PRKN: variants seen among roughly 807,000 people sequenced by gnomAD.
PRKN encodes parkin RBR E3 ubiquitin protein ligase.
PRKN carries 56 observed loss-of-function variants against 59.5 expected under a neutral mutation model. That is an observed-to-expected ratio of 0.94 (90% confidence interval 0.76 to 1.18). The LOEUF (loss-of-function observed/expected upper bound fraction) is 1.18, where lower values mean the gene tolerates loss of function less well. PRKN is among the 50% of genes most tolerant of loss of function. The pLI, the probability that PRKN is intolerant of heterozygous loss-of-function variation, is 0.00. For missense variants in PRKN, 657 were observed against 596.4 expected (o/e 1.10, Z -1.06); for synonymous variants, 250 against 222.1 (o/e 1.13, Z -1.12).
At position 161,567,037 on chromosome 6, in the gene PRKN, T is replaced by TGTGTGTGTG. The variant is rs1554277339; in HGVS notation, c.933+2317_933+2318insCACACACAC. Among the ~76,000 whole-genome samples, 37 of 103,796 alleles carry TGTGTGTGTG rather than the reference T, an allele frequency of 3.6e-4. No individual in the cohort carries two copies. In the East Asian group the frequency reaches 4.1e-3, roughly 11 times the overall value. The allele number at this position is 103,796 out of a possible 152,430, so 68.1% of individuals were successfully genotyped here. On this transcript the variant is annotated intron_variant, in intron 8 of 11. Transcript: ENST00000366898. ...CACTGTCCTTGTTTTTTTTTTTTTTTTGTGTGTGTGTGTGTGTGTGTGAGA... is the reference window on the plus strand; with the variant it reads ...CACTGTCCTTGTTTTTTTTTTTTTTTGTGTGTGTGTGTGTGTGTGTGTGTGTGTGTGAGA...
At chr6:162,359,658 G>GT (rs1168270213) in intron 2 of PRKN, among the ~76,000 whole-genome samples, 3 of 151,274 alleles carry the variant, frequency 2.0e-5, no homozygotes, top group Non-Finnish European at 4.4e-5. Context: ...AGCTAAACCA[G>GT]TATTTCCCAA....
intron 7 of PRKN, among the ~76,000 whole-genome samples, chr6:161,759,256 T>G (rs1017738371): frequency 2.0e-5 from 3 of 152,110 alleles, no homozygotes; most frequent in Non-Finnish European, 4.4e-5. Context: ...GTAATCAGGA[T>G]GGCAAGCATT....
At chr6:161,612,464 T>C (rs530391705) in intron 7 of PRKN, among the ~76,000 whole-genome samples, 1 of 152,260 alleles carries the variant, frequency 6.6e-6, no homozygotes, top group African/African-American at 2.4e-5. Flanking sequence ...CTCACACCCA[T>C]AATTCCAGCA....
chr6:162,675,728 T>C (rs1262794705), intron 1 of PRKN, among the ~76,000 whole-genome samples: 1 of 152,216 alleles, frequency 6.6e-6, no homozygotes. Context: ...TCTGTAGATT[T>C]AATAAAATTC....
At chr6:162,314,158 C>T (rs1782650529) in intron 2 of PRKN, among the ~76,000 whole-genome samples, 2 of 152,024 alleles carry the variant, frequency 1.3e-5, no homozygotes. Context: ...TCTGGTCTCC[C>T]CAAGAATGCT....
intron 4 of PRKN, among the ~76,000 whole-genome samples, chr6:162,094,921 G>A (rs2128297222): frequency 6.6e-6 from 1 of 152,262 alleles, no homozygotes; most frequent in East Asian, 1.9e-4. Context: ...CTATGAATAT[G>A]TGTGTGTATT....
chr6:161,744,293 G>A (rs1445288490), intron 7 of PRKN, among the ~76,000 whole-genome samples: 1 of 151,614 alleles, frequency 6.6e-6, no homozygotes, highest in East Asian at 1.9e-4. Flanking sequence ...GATGTGAACA[G>A]TGGGTCCAAA....
At chr6:162,218,407 A>T (rs894598011) in intron 3 of PRKN, among the ~76,000 whole-genome samples, 1 of 152,110 alleles carries the variant, frequency 6.6e-6, no homozygotes, top group Non-Finnish European at 1.5e-5. Context: ...CATGCTGCAG[A>T]GGGCAGAACC....
intron 1 of PRKN, among the ~76,000 whole-genome samples, chr6:162,710,023 G>A (rs554518289): frequency 2.0e-5 from 3 of 152,210 alleles, no homozygotes; most frequent in African/African-American, 7.2e-5. Flanking sequence ...TCCACGGGTT[G>A]GGGTGTTATC....
chr6:161,874,268 A>AT (rs1794536202), intron 6 of PRKN, among the ~76,000 whole-genome samples: 2 of 13,270 alleles, frequency 1.5e-4, no homozygotes, highest in African/African-American at 2.3e-4. Flanking sequence ...TATGTAAAAT[A>AT]TATAATATAT....
intron 7 of PRKN, among the ~76,000 whole-genome samples, chr6:161,711,283 G>T (rs771495749): frequency 1.3e-5 from 2 of 152,136 alleles, no homozygotes; most frequent in Non-Finnish European, 2.9e-5. Flanking sequence ...TGAGAAAGCA[G>T]CACGATGGTA....
intron 6 of PRKN, among the ~76,000 whole-genome samples, chr6:161,850,003 C>G (rs997791956): frequency 6.6e-6 from 1 of 152,028 alleles, no homozygotes; most frequent in Non-Finnish European, 1.5e-5. Context: ...AGTAAGCAGC[C>G]AATATACATT....
At chr6:161,677,861 A>G (rs1050194105) in intron 7 of PRKN, among the ~76,000 whole-genome samples, 2 of 152,244 alleles carry the variant, frequency 1.3e-5, no homozygotes, top group Non-Finnish European at 2.9e-5. Flanking sequence ...ACAAATAACC[A>G]GTAAACAAGA....
rs1458930880 is a variant in PRKN at position 161,487,516 on chromosome 6, A to G, written c.1083+61338T>C. Among the ~76,000 whole-genome samples the G allele has an allele frequency of 6.6e-6, 1 of 152,200 alleles. No homozygotes were observed. Among genetic ancestry groups the G allele is most frequent in the African/African-American group, 2.4e-5 (1 of 41,450 alleles). On this transcript the variant is annotated intron_variant, in intron 9 of 11. Coordinates refer to ENST00000366898, the MANE Select transcript of PRKN (RefSeq NM_004562.3). This position sits in a 1 kb window ranked among gnomAD's most constrained non-coding sequence, Gnocchi z 5.3. ...AAAGCCAGAAAAAGGATTTTAGCCC[A>G]TGTTCTAAGCCTTCACCATTTTGTA...
intron 2 of PRKN, among the ~76,000 whole-genome samples, chr6:162,431,023 C>T (rs1037899663): frequency 7.9e-5 from 12 of 152,006 alleles, no homozygotes; most frequent in African/African-American, 2.9e-4. Flanking sequence ...CAGGGAACAC[C>T]TCTTCCCAAC....
chr6:162,484,447 G>A (rs556911569), intron 1 of PRKN, among the ~76,000 whole-genome samples: 1 of 152,280 alleles, frequency 6.6e-6, no homozygotes, highest in South Asian at 2.1e-4. Context: ...ATGGATCGGG[G>A]GAAGGGGACT....
intron 7 of PRKN, among the ~76,000 whole-genome samples, chr6:161,722,226 A>G (rs1298242338): frequency 6.7e-6 from 1 of 148,578 alleles, no homozygotes; most frequent in African/African-American, 2.4e-5. Flanking sequence ...AGGAAAGCAC[A>G]AATCCCCATA....
rs929132949 is a variant in PRKN, at chr6:161,386,169, T to C, written c.1167+625A>G. Among the ~76,000 whole-genome samples the C allele has an allele frequency of 1.6e-4, 24 of 152,346 alleles. No individual in the cohort carries two copies. Among genetic ancestry groups the C allele is most frequent in the African/African-American group, 5.5e-4 (23 of 41,578 alleles). On this transcript the variant is annotated intron_variant, in intron 10 of 11. Coordinates refer to ENST00000366898, the MANE Select transcript of PRKN (RefSeq NM_004562.3). This position sits in a 1 kb window ranked among gnomAD's most constrained non-coding sequence, Gnocchi z 4.3. ...GGGAGAAAAATAATGAGCAAATTCA[T>C]CTACTGTGATGACGTTTTTACTCTT...
chr6:162,521,508 T>G (rs1354568832), intron 1 of PRKN, among the ~76,000 whole-genome samples: 3 of 152,176 alleles, frequency 2.0e-5, no homozygotes, highest in African/African-American at 7.2e-5. Flanking sequence ...TTTTGGTCTT[T>G]AGAAGAAAAA....
Sources: allele counts gnomAD v4.1 joint callset (sites outside exome capture counted in the v4.1 genomes callset), GRCh38; gene constraint gnomAD v4.1.1; non-coding constraint Gnocchi (gnomAD v3.1); transcripts MANE v1.5; gene names NCBI Gene and HGNC (gene_info 2026-07-23, HGNC 2026-07-21).